SMYD3: variants seen among roughly 807,000 people sequenced by gnomAD.
SMYD3 encodes histone-lysine N-methyltransferase SMYD3.
Under a neutral mutation model 57.7 loss-of-function variants are expected in SMYD3, and 36 were observed. That is an observed-to-expected ratio of 0.62 (90% CI 0.48 to 0.82). The LOEUF (loss-of-function observed/expected upper bound fraction) is 0.82, where lower values mean the gene tolerates loss of function less well. Ranked by LOEUF, SMYD3 falls within the 40% of genes least tolerant of loss-of-function variation. The pLI is 0.00. For synonymous variants in SMYD3, 211 were observed against 195.0 expected (o/e 1.08, Z -0.68); for missense variants, 515 against 538.8 (o/e 0.96, Z 0.44).
intron 5 of SMYD3, among the ~76,000 whole-genome samples, chr1:246,085,262 C>G (rs910813742): frequency 5.9e-5 from 9 of 152,082 alleles, no homozygotes; most frequent in African/African-American, 2.2e-4. Context: ...GGAATTAATC[C>G]AGAGGTGGAT....
At chr1:245,763,971 A>AG in intron 11 of SMYD3, 70 bp downstream of exon 11, 2 of 1,178,924 alleles carry the variant, frequency 1.7e-6, no homozygotes, top group Non-Finnish European at 1.3e-6. Flanking sequence ...CTAACAAATC[A>AG]CAAAGAGGCC....
At chr1:245,793,167 G>A (rs1187309606) in intron 10 of SMYD3, among the ~76,000 whole-genome samples, 1 of 149,694 alleles carries the variant, frequency 6.7e-6, no homozygotes, top group Non-Finnish European at 1.5e-5. Context: ...AAATGAGCCG[G>A]GCATGGTGGC....
chr1:246,303,456 C>G (rs893091239), intron 5 of SMYD3, among the ~76,000 whole-genome samples: 5 of 152,140 alleles, frequency 3.3e-5, no homozygotes, highest in African/African-American at 1.2e-4. Flanking sequence ...ATAGCCTGTA[C>G]CTATCCTCCT....
In SMYD3 at chr1:246,324,881, T is replaced by G. The variant is rs570956315; in HGVS notation, c.531+2320A>C. On this transcript the variant is annotated intron_variant, in intron 5 of 11. Transcript: ENST00000490107. Reference sequence around the variant, plus strand: ...CGTGTGCTTGATGTGACTTGCACCATCACACACCGTCAACATTCTGGGCTC... The same window carrying G: ...CGTGTGCTTGATGTGACTTGCACCAGCACACACCGTCAACATTCTGGGCTC... 2.8e-4 allele frequency among the ~76,000 whole-genome samples: 42 copies of G among 150,846 alleles called. 1 individual carries two copies. In the East Asian group the frequency reaches 7.5e-3, roughly 27 times the overall value.
intron 5 of SMYD3, among the ~76,000 whole-genome samples, chr1:246,233,421 C>G (rs1342123172): frequency 1.6e-5 from 2 of 127,138 alleles, no homozygotes; most frequent in Non-Finnish European, 3.2e-5. Flanking sequence ...TGAACATATA[C>G]CACACAGAGG....
intron 1 of SMYD3, among the ~76,000 whole-genome samples, chr1:246,382,950 A>G (rs1021337756): frequency 6.6e-6 from 1 of 152,008 alleles, no homozygotes; most frequent in African/African-American, 2.4e-5. Context: ...GCTCGCACCC[A>G]TGAGCTCAGT....
chr1:245,855,010 CG>C (rs1558424726), intron 10 of SMYD3, among the ~76,000 whole-genome samples: 1 of 152,168 alleles, frequency 6.6e-6, no homozygotes, highest in African/African-American at 2.4e-5. Context: ...CACTCTCACA[CG>C]GAACATTTCC....
chr1:246,015,630 C>T (rs78783427), intron 5 of SMYD3, among the ~76,000 whole-genome samples: 8,966 of 152,192 alleles, frequency 0.059, 288 homozygotes, highest in African/African-American at 0.068. Context: ...TCCTGGTACC[C>T]GCCATTCCGT....
At chr1:245,904,507 CAA>C (rs1187457596) in intron 8 of SMYD3, among the ~76,000 whole-genome samples, 1 of 152,128 alleles carries the variant, frequency 6.6e-6, no homozygotes, top group Admixed American at 6.5e-5. Context: ...AAAAGCAAAC[CAA>C]ACTCACCTGA....
At chr1:245,835,159 C>T (rs1184781143) in intron 10 of SMYD3, among the ~76,000 whole-genome samples, 1 of 132,566 alleles carries the variant, frequency 7.5e-6, no homozygotes, top group African/African-American at 2.9e-5. Flanking sequence ...CTTGCTCTGT[C>T]ACCAGGCTAG....
intron 5 of SMYD3, among the ~76,000 whole-genome samples, chr1:246,013,627 A>G (rs1174260240): frequency 2.6e-5 from 4 of 152,212 alleles, no homozygotes; most frequent in Non-Finnish European, 5.9e-5. Flanking sequence ...TCAATGCAGC[A>G]GGGATGAGAT....
At chr1:246,409,373 C>G (rs986294236) in intron 1 of SMYD3, among the ~76,000 whole-genome samples, 2 of 152,048 alleles carry the variant, frequency 1.3e-5, no homozygotes, top group African/African-American at 2.4e-5. Context: ...GGAAGGGATC[C>G]AGTTTCAGCT....
chr1:246,483,205 A>G (rs901348686), intron 1 of SMYD3, among the ~76,000 whole-genome samples: 2 of 152,250 alleles, frequency 1.3e-5, no homozygotes, highest in African/African-American at 4.8e-5. Flanking sequence ...GTATATTTCA[A>G]TTGATGTGCC....
chr1:246,227,830 T>C (rs935371030), intron 5 of SMYD3, among the ~76,000 whole-genome samples: 1 of 152,156 alleles, frequency 6.6e-6, no homozygotes, highest in African/African-American at 2.4e-5. Context: ...ACATAAGTAT[T>C]CAAATAATTT....
intron 1 of SMYD3, among the ~76,000 whole-genome samples, chr1:246,404,019 A>T (rs1404464181): frequency 1.3e-5 from 2 of 152,206 alleles, no homozygotes; most frequent in Non-Finnish European, 1.5e-5. Flanking sequence ...GGACACACCC[A>T]ACACAACCAA....
chr1:246,057,731 C>T (rs1177438079), intron 5 of SMYD3, among the ~76,000 whole-genome samples: 1 of 152,146 alleles, frequency 6.6e-6, no homozygotes, highest in African/African-American at 2.4e-5. Context: ...TCACACAATC[C>T]AGAAATCTTA....
intron 5 of SMYD3, chr1:245,953,293 T>C (rs2057722941): frequency 2.0e-6 from 2 of 999,144 alleles, no homozygotes; most frequent in Non-Finnish European, 2.4e-6. Context: ...TGCACATTAA[T>C]ATATCAACTC....
intron 10 of SMYD3, among the ~76,000 whole-genome samples, chr1:245,853,927 T>G (rs769927983): frequency 7.9e-5 from 12 of 152,198 alleles, no homozygotes; most frequent in Non-Finnish European, 1.5e-4. Context: ...CTCACTCTTA[T>G]CAGCTTTCTT....
At chr1:245,759,578 C>A (rs1302323846) in intron 11 of SMYD3, among the ~76,000 whole-genome samples, 3 of 152,210 alleles carry the variant, frequency 2.0e-5, no homozygotes, top group African/African-American at 7.2e-5. Flanking sequence ...GAACTGCATG[C>A]TCTAAATCAG....
Sources: allele counts gnomAD v4.1 joint callset (sites outside exome capture counted in the v4.1 genomes callset), GRCh38; gene constraint gnomAD v4.1.1; transcripts MANE v1.5; gene names NCBI Gene and HGNC (gene_info 2026-07-23, HGNC 2026-07-21).